FRMPD4: variants seen among roughly 807,000 people sequenced by gnomAD.
FRMPD4 encodes FERM and PDZ domain containing 4.
Under a neutral mutation model 94.1 loss-of-function variants are expected in FRMPD4, and 22 were observed. The observed-to-expected ratio is 0.23, with a 90% CI of 0.17 to 0.33. FRMPD4 has a LOEUF of 0.33. Among genes scored for constraint, FRMPD4 ranks in the 10% least tolerant of loss-of-function variants. FRMPD4 has a pLI of 1.00. For missense variants in FRMPD4, 1,111 were observed against 1,339.9 expected (o/e 0.83, Z 2.67); for synonymous variants, 631 against 548.6 (o/e 1.15, Z -2.10).
intron 2 of FRMPD4, among the ~76,000 whole-genome samples, chrX:11,866,523 A>G (rs1178305428): frequency 8.9e-6 from 1 of 112,032 alleles, no homozygotes; most frequent in Non-Finnish European, 1.9e-5. Flanking sequence ...GATGGTCTTC[A>G]AGCTTACTTG....
intron 3 of FRMPD4, among the ~76,000 whole-genome samples, chrX:12,131,124 G>A (rs1284793179): frequency 1.8e-5 from 2 of 111,805 alleles, no homozygotes; most frequent in Non-Finnish European, 3.8e-5. Flanking sequence ...GAGAGAGGGT[G>A]GGGTTAAAGA....
chrX:11,941,830 A>G (rs143147300), intron 3 of FRMPD4, among the ~76,000 whole-genome samples: 197 of 112,083 alleles, frequency 1.8e-3, no homozygotes, highest in Non-Finnish European at 3.0e-3. Context: ...TGCTGTGCTT[A>G]AAACATGAGG....
intron 3 of FRMPD4, among the ~76,000 whole-genome samples, chrX:12,046,961 A>G (rs753696025): frequency 1.2e-4 from 13 of 111,430 alleles, no homozygotes; most frequent in African/African-American, 1.3e-4. Flanking sequence ...TGAACCTATC[A>G]AACAAAAGAT....
intron 9 of FRMPD4, 26 bp downstream of exon 9, chrX:12,694,480 A>G (rs2060108365): frequency 8.8e-7 from 1 of 1,139,222 alleles, no homozygotes; most frequent in Non-Finnish European, 1.2e-6. Flanking sequence ...GGCATGTTTT[A>G]TATCAATGTT....
intron 4 of FRMPD4, among the ~76,000 whole-genome samples, chrX:12,662,215 A>G (rs1354707802): frequency 9.1e-6 from 1 of 110,259 alleles, no homozygotes; most frequent in Non-Finnish European, 1.9e-5. Context: ...TAATATTTTT[A>G]TTATACTGTA....
chrX:12,138,763 C>G lies in FRMPD4; in HGVS notation c.-209C>G. The G allele has an allele frequency of 5.6e-6, 2 of 357,326 alleles. No individual in the cohort carries two copies. Among genetic ancestry groups the G allele is most frequent in the Non-Finnish European group, 4.8e-6 (1 of 207,803 alleles). The allele number at this position is 357,326 out of a possible 1,213,427, so 29.4% of individuals were successfully genotyped here. A position where few individuals can be genotyped will look rare whatever the true frequency, so the allele number is the denominator to read the frequency against. The stretch of plus-strand genomic sequence containing the variant: ...TCGGGTGCCTATCAATGGTCCTGCT[C>G]GGGGATGCACACGCAGCTCGCGGCC... On this transcript the variant is annotated 5_prime_UTR_variant, in exon 1 of 17. Coordinates refer to ENST00000675598, the MANE Select transcript of FRMPD4 (RefSeq NM_001368397.1).
intron 1 of FRMPD4, among the ~76,000 whole-genome samples, chrX:12,329,821 T>C (rs1289171947): frequency 1.1e-5 from 1 of 89,500 alleles, no homozygotes; most frequent in Non-Finnish European, 2.2e-5. Context: ...TGCAGTAAAG[T>C]AACTTATTAG....
intron 2 of FRMPD4, among the ~76,000 whole-genome samples, chrX:12,602,514 G>C (rs1454146310): frequency 8.9e-6 from 1 of 111,929 alleles, no homozygotes; most frequent in East Asian, 2.8e-4. Context: ...GAATGACATG[G>C]GGAATGAAGT....
intron 3 of FRMPD4, among the ~76,000 whole-genome samples, chrX:11,924,119 A>G (rs935074589): frequency 1.8e-5 from 2 of 112,371 alleles, no homozygotes; most frequent in African/African-American, 6.5e-5. Flanking sequence ...AACATAGTAC[A>G]GGAGTTTCAT....
chrX:12,564,232 G>C lies in FRMPD4; in HGVS notation c.159-45489G>C, dbSNP rs1378278891. Reference sequence around the variant, plus strand: ...CCAAATTCTATCACATTGAGGATTAGGCTTCAACATACCAATTTTGGTGGA... The same window carrying C: ...CCAAATTCTATCACATTGAGGATTACGCTTCAACATACCAATTTTGGTGGA... On this transcript the variant is annotated intron_variant, in intron 2 of 16. Transcript: ENST00000675598. Among the ~76,000 whole-genome samples, 13 of 112,452 alleles carry C rather than the reference G, an allele frequency of 1.2e-4. No homozygotes were observed. The Admixed American group carries it at 1.2e-3, about 11-fold the overall frequency.
chrX:12,627,459 A>G (rs1327924547), intron 4 of FRMPD4, among the ~76,000 whole-genome samples: 1 of 111,871 alleles, frequency 8.9e-6, no homozygotes, highest in Non-Finnish European at 1.9e-5. Flanking sequence ...CACCTCATAC[A>G]CACTTGCAGC....
chrX:12,644,048 A>G (rs1198747304), intron 4 of FRMPD4, among the ~76,000 whole-genome samples: 1 of 111,725 alleles, frequency 9.0e-6, no homozygotes, highest in Non-Finnish European at 1.9e-5. Flanking sequence ...CATAAGCATG[A>G]GCTAATTTTG....
In FRMPD4 at chrX:12,303,621, T is replaced by C. The variant is rs1477237034; in HGVS notation, c.41+164609T>C. On this transcript the variant is annotated intron_variant, in intron 1 of 16. Coordinates refer to ENST00000675598, the MANE Select transcript of FRMPD4 (RefSeq NM_001368397.1). The stretch of plus-strand genomic sequence containing the variant: ...CATGGGTGTATTAAATTATAATCAC[T>C]AGAGAAACATTATTTAGGCCTTTAA... Among the ~76,000 whole-genome samples, 7 of 111,958 alleles carry C rather than the reference T, an allele frequency of 6.3e-5. No homozygotes were observed. The East Asian group carries it at 1.7e-3, about 27-fold the overall frequency.
intron 1 of FRMPD4, among the ~76,000 whole-genome samples, chrX:12,261,784 C>T (rs1371491373): frequency 8.9e-6 from 1 of 111,915 alleles, no homozygotes; most frequent in Non-Finnish European, 1.9e-5. Flanking sequence ...CGCCTATATG[C>T]CTAGACATTC....
chrX:12,442,907 AG>A (rs2057154706), intron 1 of FRMPD4, among the ~76,000 whole-genome samples: 1 of 112,304 alleles, frequency 8.9e-6, no homozygotes, highest in South Asian at 3.7e-4. Flanking sequence ...CCATAAAAAG[AG>A]TGACGTATTG....
chrX:11,855,372 C>T (rs755438475), intron 1 of FRMPD4, among the ~76,000 whole-genome samples: 3 of 112,218 alleles, frequency 2.7e-5, no homozygotes, highest in South Asian at 3.8e-4. Flanking sequence ...ACATTTGGCT[C>T]CTCATTATTA....
intron 10 of FRMPD4, among the ~76,000 whole-genome samples, chrX:12,703,403 GA>G (rs1679919567): frequency 8.9e-6 from 1 of 112,199 alleles, no homozygotes; most frequent in Non-Finnish European, 1.9e-5. Flanking sequence ...TGAGAAGGAA[GA>G]AAACATAATG....
At position 11,860,996 on chromosome X, in the gene FRMPD4, A is replaced by G. The variant is rs2053683318; in HGVS notation, c.-160-4090A>G. ...GAGACTCTTGAATTCAGTTGAAATT[A>G]TTTCAAAAAGTATTTAATTAAAAAA... is the stretch of plus-strand genomic sequence containing the variant. On this transcript the variant is annotated intron_variant, in intron 1 of 18. Transcript: ENST00000640291. Among the ~76,000 whole-genome samples, 3 of 112,434 alleles carry G rather than the reference A, an allele frequency of 2.7e-5. No homozygotes were observed. In the South Asian group the frequency reaches 1.1e-3, roughly 41 times the overall value.
intron 3 of FRMPD4, among the ~76,000 whole-genome samples, chrX:12,072,637 A>T (rs1040605776): frequency 8.9e-6 from 1 of 111,854 alleles, no homozygotes. Flanking sequence ...TCAGCTGAAA[A>T]TGTGGACAAT....
Sources: allele counts gnomAD v4.1 joint callset (sites outside exome capture counted in the v4.1 genomes callset), GRCh38; gene constraint gnomAD v4.1.1; transcripts MANE v1.5; gene names NCBI Gene and HGNC (gene_info 2026-07-23, HGNC 2026-07-21).